MALRD1: variants seen among roughly 807,000 people sequenced by gnomAD.
The protein encoded by MALRD1 is MAM and LDL-receptor class A domain-containing protein 1.
MALRD1 carries 247 observed loss-of-function variants against 242.1 expected under a neutral mutation model. That is an observed-to-expected ratio of 1.02 (90% CI 0.92 to 1.13). MALRD1 has a LOEUF of 1.13. Among genes scored for constraint, MALRD1 ranks in the 50% most tolerant of loss-of-function variants. The pLI is 0.00. For missense variants in MALRD1, 2,989 were observed against 2,533.1 expected (o/e 1.18, Z -3.86); for synonymous variants, 995 against 866.6 (o/e 1.15, Z -2.60).
At chr10:19,254,429 C>T (rs953605020) in intron 18 of MALRD1, among the ~76,000 whole-genome samples, 1 of 152,018 alleles carries the variant, frequency 6.6e-6, no homozygotes, top group East Asian at 1.9e-4. Flanking sequence ...TTAATGGATT[C>T]TTGTTTAGAC....
At chr10:19,289,605 T>A (rs1841306828) in intron 21 of MALRD1, among the ~76,000 whole-genome samples, 1 of 152,168 alleles carries the variant, frequency 6.6e-6, no homozygotes, top group Non-Finnish European at 1.5e-5. Context: ...TCTAGGCTCA[T>A]TCCTCAGCCA....
intron 28 of MALRD1, among the ~76,000 whole-genome samples, chr10:19,436,889 C>G (rs950613898): frequency 8.5e-5 from 13 of 152,116 alleles, no homozygotes; most frequent in African/African-American, 3.1e-4. Context: ...TGTCACTGCT[C>G]TAAAGAAATC....
chr10:19,604,100 G>C (rs1019430343), intron 34 of MALRD1, among the ~76,000 whole-genome samples: 1 of 152,180 alleles, frequency 6.6e-6, no homozygotes, highest in Non-Finnish European at 1.5e-5. Flanking sequence ...TGAACACCAA[G>C]ATAGGCTGAA....
intron 28 of MALRD1, among the ~76,000 whole-genome samples, chr10:19,406,804 A>G (rs1158561609): frequency 6.6e-6 from 1 of 152,212 alleles, no homozygotes; most frequent in Admixed American, 6.5e-5. Flanking sequence ...TTAAGATGAC[A>G]TAGTGCCATA....
At chr10:19,268,854 G>GCGA (rs1840075718) in intron 19 of MALRD1, among the ~76,000 whole-genome samples, 2 of 152,162 alleles carry the variant, frequency 1.3e-5, no homozygotes, top group African/African-American at 2.4e-5. Context: ...AACTTACAGA[G>GCGA]TGAGGAGTTA....
chr10:19,633,234 G>GA (rs1423810038), intron 36 of MALRD1, among the ~76,000 whole-genome samples: 5 of 150,360 alleles, frequency 3.3e-5, no homozygotes, highest in Non-Finnish European at 5.9e-5. Flanking sequence ...CTGTCTCAAA[G>GA]AAAAAAAAAG....
In MALRD1 at chr10:19,204,377, T is replaced by C. The variant is rs1836697400; in HGVS notation, c.2174T>C (p.Phe725Ser). The C allele has an allele frequency of 6.5e-7, 1 of 1,549,436 alleles. No individual in the cohort carries two copies. The highest frequency in any genetic ancestry group is 2.4e-5 in the East Asian group (1 of 40,834). ...WQVAKLQSPTFSQTGPGCILS... is the reference protein window; with the variant it reads ...WQVAKLQSPTSSQTGPGCILS... The stretch of plus-strand genomic sequence containing the variant: ...GTTGCTAAGCTTCAGAGCCCAACTT[T>C]CAGCCAGACAGGACCTGGATGCATA... The change falls in exon 16 of 40, where the codon TTC becomes TCC. Residue 725 changes from phenylalanine to serine, a missense_variant. Physicochemically the swap from Phe to Ser is radical, Grantham distance 155. Transcript: ENST00000454679.
intron 2 of MALRD1, among the ~76,000 whole-genome samples, chr10:19,084,519 G>A (rs549555053): frequency 2.4e-4 from 36 of 151,790 alleles, no homozygotes; most frequent in Non-Finnish European, 4.1e-4. Context: ...CATGCAACAG[G>A]ATTTATGTTT....
chr10:19,498,602 G>C lies in MALRD1; in HGVS notation c.5276G>C (p.Arg1759Thr). 6.5e-7 allele frequency: 1 copy of C among 1,550,076 alleles called. No individual in the cohort carries two copies. Among genetic ancestry groups the C allele is most frequent in the Non-Finnish European group, 8.7e-7 (1 of 1,146,798 alleles). The change falls in exon 31 of 40, where the codon AGA becomes ACA. Residue 1759 changes from arginine to threonine, a missense_variant. Arg to Thr is a moderately conservative substitution (Grantham distance 71, BLOSUM62 -1). Coordinates refer to ENST00000454679, the MANE Select transcript of MALRD1 (RefSeq NM_001142308.3). ...GACTTGGACTGGGCCATTGGCAGCA[G>C]AATTCCTGCCAAAGCATTAATTCCA... ...EDDLDWAIGSRIPAKALIPDS... is the reference protein window; with the variant it reads ...EDDLDWAIGSTIPAKALIPDS...
intron 18 of MALRD1, among the ~76,000 whole-genome samples, chr10:19,245,564 A>G (rs1422929157): frequency 6.6e-6 from 1 of 152,178 alleles, no homozygotes; most frequent in Non-Finnish European, 1.5e-5. Flanking sequence ...TGTATGTGAA[A>G]AATTATAAAA....
At chr10:19,714,821 A>G (rs1038534083) in intron 38 of MALRD1, among the ~76,000 whole-genome samples, 5 of 152,104 alleles carry the variant, frequency 3.3e-5, no homozygotes, top group African/African-American at 9.7e-5. Flanking sequence ...CAGGGTGGAG[A>G]TGGGGAGCTC....
intron 31 of MALRD1, among the ~76,000 whole-genome samples, chr10:19,508,836 A>G (rs1401079290): frequency 2.0e-5 from 3 of 152,224 alleles, no homozygotes; most frequent in African/African-American, 4.8e-5. Flanking sequence ...GCATAGGTAA[A>G]GAAGGCTTTC....
chr10:19,333,775 G>A (rs1019277471), intron 24 of MALRD1, among the ~76,000 whole-genome samples: 16 of 151,966 alleles, frequency 1.1e-4, no homozygotes, highest in African/African-American at 3.9e-4. Flanking sequence ...CAGTGTGTAA[G>A]CTTTGCCTTT....
chr10:19,425,373 G>C (rs538484821), intron 28 of MALRD1, among the ~76,000 whole-genome samples: 1 of 152,310 alleles, frequency 6.6e-6, no homozygotes, highest in African/African-American at 2.4e-5. Context: ...ATGGTCTCCA[G>C]TGACTATTAA....
At chr10:19,237,828 AT>A (rs1333636362) in intron 18 of MALRD1, among the ~76,000 whole-genome samples, 1 of 99,794 alleles carries the variant, frequency 1.0e-5, no homozygotes, top group Non-Finnish European at 1.9e-5. Flanking sequence ...TTTATATGTA[AT>A]TATAATTATA....
At chr10:19,551,263 G>A (rs1835457097) in intron 32 of MALRD1, among the ~76,000 whole-genome samples, 1 of 151,830 alleles carries the variant, frequency 6.6e-6, no homozygotes. Context: ...TGATATTTTT[G>A]TCATCTCCCA....
At chr10:19,655,287 G>A (rs971183279) in intron 36 of MALRD1, among the ~76,000 whole-genome samples, 3 of 151,772 alleles carry the variant, frequency 2.0e-5, no homozygotes, top group African/African-American at 7.3e-5. Flanking sequence ...TTGAGAAAAA[G>A]GGTCTGTTTC....
At position 19,275,835 on chromosome 10, in the gene MALRD1, G is replaced by A. The variant is rs73593862; in HGVS notation, c.3080-4212G>A. On this transcript the variant is annotated intron_variant, in intron 19 of 39. Coordinates refer to ENST00000454679, the MANE Select transcript of MALRD1 (RefSeq NM_001142308.3). ...GTTTATTGAAGTTTCTGTGTATTAA[G>A]GTAAGATGATTAATTGTAAATGTCT... Among the ~76,000 whole-genome samples the A allele has an allele frequency of 6.1e-3, 926 of 152,076 alleles. 10 individuals carry two copies. The highest frequency in any genetic ancestry group is 0.021 in the African/African-American group (867 of 41,456).
intron 19 of MALRD1, among the ~76,000 whole-genome samples, chr10:19,265,709 G>T (rs1172903080): frequency 2.6e-5 from 4 of 152,000 alleles, no homozygotes; most frequent in African/African-American, 9.7e-5. Context: ...TGAATGAAAT[G>T]TTTTGTATAT....
Sources: allele counts gnomAD v4.1 joint callset (sites outside exome capture counted in the v4.1 genomes callset), GRCh38; gene constraint gnomAD v4.1.1; transcripts MANE v1.5; gene names NCBI Gene and HGNC (gene_info 2026-07-23, HGNC 2026-07-21).